Variants in FARP1 observed in about 807,000 individuals in gnomAD.
FARP1 encodes FERM, ARHGEF and pleckstrin domain-containing protein 1.
In FARP1, 52 loss-of-function variants were observed where a neutral mutation model predicts 128.8. That is an observed-to-expected ratio of 0.40 (90% CI 0.32 to 0.51). The LOEUF is 0.51. Among genes scored for constraint, FARP1 ranks in the 20% least tolerant of loss-of-function variants. The pLI is 0.45. For missense variants in FARP1, 1,333 were observed against 1,367.9 expected (o/e 0.97, Z 0.40); for synonymous variants, 580 against 551.8 (o/e 1.05, Z -0.72).
chr13:98,398,920 A>G (rs1890656885), intron 13 of FARP1: 1 of 152,250 alleles, frequency 6.6e-6, no homozygotes, highest in Non-Finnish European at 1.5e-5. Context: ...AGCATCCCCG[A>G]GCAAAACACG....
At chr13:98,313,395 G>A (rs1386880561) in intron 2 of FARP1, among the ~76,000 whole-genome samples, 2 of 150,358 alleles carry the variant, frequency 1.3e-5, no homozygotes, top group African/African-American at 4.8e-5. Flanking sequence ...GGCAGAGACT[G>A]CAGTGCTGGA....
At chr13:98,241,078 T>C (rs1289093411) in intron 2 of FARP1, among the ~76,000 whole-genome samples, 2 of 152,184 alleles carry the variant, frequency 1.3e-5, no homozygotes, top group African/African-American at 2.4e-5. Context: ...GTGTAGACAG[T>C]GGGCAAACTT....
At chr13:98,246,016 A>G (rs536925245) in intron 2 of FARP1, among the ~76,000 whole-genome samples, 16 of 150,770 alleles carry the variant, frequency 1.1e-4, no homozygotes, top group African/African-American at 3.4e-4. Flanking sequence ...AGCTCAGGCA[A>G]TCTGCCCCCC....
At chr13:98,225,324 G>C (rs181044393) in intron 2 of FARP1, among the ~76,000 whole-genome samples, 5 of 152,222 alleles carry the variant, frequency 3.3e-5, no homozygotes, top group Admixed American at 2.6e-4. Context: ...ATTTCTCCAC[G>C]ATGATCAGAC....
chr13:98,272,027 T>C (rs1013241421), intron 2 of FARP1, among the ~76,000 whole-genome samples: 3 of 136,784 alleles, frequency 2.2e-5, no homozygotes, highest in African/African-American at 1.0e-4. Flanking sequence ...TCAAAATACA[T>C]TTTTTTTTCT....
At chr13:98,427,153 TC>T (rs1891820023) in intron 17 of FARP1, among the ~76,000 whole-genome samples, 1 of 151,910 alleles carries the variant, frequency 6.6e-6, no homozygotes, top group African/African-American at 2.4e-5. Flanking sequence ...CCCTAAAACT[TC>T]CCTGGGCTCC....
At chr13:98,442,987 C>T (rs1892591029) in intron 24 of FARP1, among the ~76,000 whole-genome samples, 1 of 152,220 alleles carries the variant, frequency 6.6e-6, no homozygotes, top group Non-Finnish European at 1.5e-5. Context: ...TGGCCCAGAG[C>T]CACCTGCAGC....
At chr13:98,247,539 C>T (rs1883130605) in intron 2 of FARP1, among the ~76,000 whole-genome samples, 1 of 152,138 alleles carries the variant, frequency 6.6e-6, no homozygotes, top group African/African-American at 2.4e-5. Context: ...TGGTGTGAAA[C>T]AGAGAGAGCT....
intron 2 of FARP1, among the ~76,000 whole-genome samples, chr13:98,309,421 G>A (rs1281006673): frequency 6.7e-6 from 1 of 149,860 alleles, no homozygotes; most frequent in African/African-American, 2.5e-5. Flanking sequence ...CGCCCGCCTC[G>A]GCCTCCCAAA....
intron 1 of FARP1, among the ~76,000 whole-genome samples, chr13:98,212,651 A>G (rs950913683): frequency 6.6e-6 from 1 of 152,222 alleles, no homozygotes; most frequent in African/African-American, 2.4e-5. Context: ...ATGAATTATT[A>G]GGTGGTTATT....
rs1193005503 is a variant in FARP1 at position 98,146,588 on chromosome 13, CCTTG to C, written c.-24+3100_-24+3103del. 2.0e-5 allele frequency among the ~76,000 whole-genome samples: 3 copies of C among 152,156 alleles called. No homozygotes were observed. In the East Asian group the frequency reaches 5.8e-4, roughly 29 times the overall value. ...TTTTAAAGAAGCCCTTTGTAACTGG[CCTTG>C]CTTATTGCAGATAACTGCTTAGTGT... On this transcript the variant is annotated intron_variant, in intron 1 of 26. Transcript: ENST00000319562.
At chr13:98,348,998 G>T (rs1008131622) in intron 3 of FARP1, among the ~76,000 whole-genome samples, 5 of 152,218 alleles carry the variant, frequency 3.3e-5, no homozygotes, top group African/African-American at 1.2e-4. Context: ...GTCGCATGTG[G>T]CTGCCTGTCC....
At chr13:98,247,948 C>A (rs1314759577) in intron 2 of FARP1, among the ~76,000 whole-genome samples, 1 of 152,196 alleles carries the variant, frequency 6.6e-6, no homozygotes, top group Non-Finnish European at 1.5e-5. Context: ...TAAGAATAAA[C>A]CAGTTCTCAG....
intron 1 of FARP1, among the ~76,000 whole-genome samples, chr13:98,202,969 C>G (rs1880043274): frequency 6.6e-6 from 1 of 152,206 alleles, no homozygotes; most frequent in East Asian, 1.9e-4. Flanking sequence ...ATCCTCCTGC[C>G]TCAGCCTCCC....
At chr13:98,329,262 C>G (rs1887378910) in intron 2 of FARP1, 3 of 152,214 alleles carry the variant, frequency 2.0e-5, no homozygotes, top group Non-Finnish European at 2.9e-5. Context: ...TCTATTTTCT[C>G]TGTTTCTTTT....
intron 25 of FARP1, 131 bp downstream of exon 25, chr13:98,446,336 G>A: frequency 1.5e-6 from 1 of 647,130 alleles, no homozygotes; most frequent in Non-Finnish European, 2.7e-6. Context: ...AGGGATGCTG[G>A]CGGGGGGCCC....
chr13:98,399,501 GA>G (rs1890679329), intron 13 of FARP1: 1 of 152,282 alleles, frequency 6.6e-6, no homozygotes, highest in South Asian at 2.1e-4. Flanking sequence ...GTTGAACTAA[GA>G]GTGGAGGAAG....
chr13:98,331,477 T>C (rs1246755120), intron 2 of FARP1, among the ~76,000 whole-genome samples: 1 of 152,162 alleles, frequency 6.6e-6, no homozygotes, highest in East Asian at 1.9e-4. Flanking sequence ...TAGTGAAATA[T>C]GAGGGGAAGT....
intron 17 of FARP1, 145 bp from the exon 18 acceptor site, chr13:98,430,898 T>C: frequency 1.6e-6 from 1 of 637,852 alleles, no homozygotes; most frequent in East Asian, 2.6e-5. Flanking sequence ...AAGAGTGAAC[T>C]ATGAACAATG....
Sources: allele counts gnomAD v4.1 joint callset (sites outside exome capture counted in the v4.1 genomes callset), GRCh38; gene constraint gnomAD v4.1.1; transcripts MANE v1.5; gene names NCBI Gene and HGNC (gene_info 2026-07-23, HGNC 2026-07-21).